Variants in NYAP2 observed in about 807,000 individuals in gnomAD.
The protein encoded by NYAP2 is neuronal tyrosine-phosphorylated phosphoinositide-3-kinase adaptor 2.
A neutral mutation model predicts 50.4 loss-of-function variants in NYAP2; 23 were observed. That is an observed-to-expected ratio of 0.46 (90% CI 0.33 to 0.65). The LOEUF (loss-of-function observed/expected upper bound fraction) is 0.65. Among genes scored for constraint, NYAP2 ranks in the 30% least tolerant of loss-of-function variants. The pLI, the probability that NYAP2 is intolerant of heterozygous loss-of-function variation, is 0.02. For synonymous variants in NYAP2, 394 were observed against 365.2 expected (o/e 1.08, Z -0.90); for missense variants, 885 against 861.0 (o/e 1.03, Z -0.35).
chr2:225,405,750 A>C (rs1694931246), intron 2 of NYAP2, among the ~76,000 whole-genome samples: 1 of 152,076 alleles, frequency 6.6e-6, no homozygotes, highest in African/African-American at 2.4e-5. Flanking sequence ...TTCGTGGTCC[A>C]TATGTCCCAG....
At position 225,466,284 on chromosome 2, in the gene NYAP2, T is replaced by C. The variant is rs189267232; in HGVS notation, c.222-47087T>C. ...TATATGGAATATAAGGGACTTTGTT[T>C]GAATTCTTTGCTTTTGTTCATTTTC... On this transcript the variant is annotated intron_variant, in intron 3 of 6. Coordinates refer to ENST00000636099, the Ensembl canonical transcript of NYAP2. Among the ~76,000 whole-genome samples, 363 of 152,360 alleles carry C rather than the reference T, an allele frequency of 2.4e-3. 2 individuals carry two copies. Among genetic ancestry groups the C allele is most frequent in the African/African-American group, 8.2e-3 (343 of 41,590 alleles).
At chr2:225,670,387 A>G in the NYAP2 span, among the ~76,000 whole-genome samples, 2 of 152,106 alleles carry the variant, frequency 1.3e-5, no homozygotes, top group South Asian at 2.1e-4. Flanking sequence ...GTAAATTTCC[A>G]TATTGGTGAG....
At chr2:225,417,083 TC>T (rs1358237971) in intron 3 of NYAP2, among the ~76,000 whole-genome samples, 14 of 152,320 alleles carry the variant, frequency 9.2e-5, no homozygotes, top group Admixed American at 2.6e-4. Context: ...TTGGAGGATA[TC>T]TTTAACTAAA....
chr2:225,508,995 C>T (rs759375763), intron 3 of NYAP2, among the ~76,000 whole-genome samples: 22 of 152,182 alleles, frequency 1.4e-4, no homozygotes, highest in Non-Finnish European at 3.1e-4. Context: ...TCTTCTGGCT[C>T]TTCTTGAGGG....
chr2:225,669,434 T>C, the NYAP2 span, among the ~76,000 whole-genome samples: 1 of 152,118 alleles, frequency 6.6e-6, no homozygotes, highest in African/African-American at 2.4e-5. Flanking sequence ...GCAAAGCTAA[T>C]CTCTATATAT....
chr2:225,508,858 A>G (rs1405060412), intron 3 of NYAP2, among the ~76,000 whole-genome samples: 1 of 152,208 alleles, frequency 6.6e-6, no homozygotes, highest in Non-Finnish European at 1.5e-5. Context: ...GCTGACTGCT[A>G]TCCTCAGAGG....
chr2:225,419,445 T>C (rs1197265471), intron 3 of NYAP2, among the ~76,000 whole-genome samples: 1 of 152,192 alleles, frequency 6.6e-6, no homozygotes, highest in African/African-American at 2.4e-5. Context: ...AGTAATGCTG[T>C]GGATGTGGGT....
At chr2:225,420,717 TC>T (rs1695200853) in intron 3 of NYAP2, among the ~76,000 whole-genome samples, 1 of 151,454 alleles carries the variant, frequency 6.6e-6, no homozygotes, top group Non-Finnish European at 1.5e-5. Context: ...CTCAAGTGAT[TC>T]TCCCACCTCA....
intron 6 of NYAP2, among the ~76,000 whole-genome samples, chr2:225,629,425 A>C (rs1325128414): frequency 6.6e-6 from 1 of 152,212 alleles, no homozygotes; most frequent in Non-Finnish European, 1.5e-5. Flanking sequence ...TTTACTAGCT[A>C]TCTGGGCATT....
upstream of NYAP2, among the ~76,000 whole-genome samples, chr2:225,398,420 G>A (rs1694805545): frequency 6.6e-6 from 1 of 151,972 alleles, no homozygotes; most frequent in African/African-American, 2.4e-5. Flanking sequence ...TTTCTAAAAT[G>A]TCTGTCAATA....
At chr2:225,664,673 G>A in the NYAP2 span, among the ~76,000 whole-genome samples, 1 of 151,988 alleles carries the variant, frequency 6.6e-6, no homozygotes, top group African/African-American at 2.4e-5. Context: ...TCGAGACCAG[G>A]ATCATCCTGG....
chr2:225,549,853 C>T (rs532715454), intron 4 of NYAP2, among the ~76,000 whole-genome samples: 40 of 151,990 alleles, frequency 2.6e-4, no homozygotes, highest in African/African-American at 7.7e-4. Context: ...GGTATGGTGG[C>T]GTGCACCTGT....
intron 3 of NYAP2, among the ~76,000 whole-genome samples, chr2:225,481,293 A>T (rs780826872): frequency 1.7e-4 from 26 of 152,104 alleles, no homozygotes; most frequent in Non-Finnish European, 2.9e-4. Flanking sequence ...TCTTCACTAA[A>T]TGGTCAAATT....
At chr2:225,579,247 C>T (rs761119098) in intron 4 of NYAP2, among the ~76,000 whole-genome samples, 4 of 152,144 alleles carry the variant, frequency 2.6e-5, no homozygotes, top group Admixed American at 6.5e-5. Flanking sequence ...AGGGCTTCAA[C>T]AGATGAATTT....
chr2:225,660,108 C>A, the NYAP2 span, among the ~76,000 whole-genome samples: 2 of 152,200 alleles, frequency 1.3e-5, no homozygotes, highest in South Asian at 4.2e-4. Context: ...ATTGATTTCC[C>A]CCACCTTGTC....
intron 4 of NYAP2, among the ~76,000 whole-genome samples, chr2:225,551,647 C>T (rs928399796): frequency 2.6e-5 from 4 of 152,014 alleles, no homozygotes; most frequent in Non-Finnish European, 5.9e-5. Flanking sequence ...GAGATCAACC[C>T]ATCAAAATAA....
At chr2:225,682,436 G>T in the NYAP2 span, among the ~76,000 whole-genome samples, 2 of 152,234 alleles carry the variant, frequency 1.3e-5, no homozygotes, top group African/African-American at 4.8e-5. Context: ...AACTCCAATT[G>T]AACACTTCCA....
At chr2:225,465,358 C>T (rs910647060) in intron 3 of NYAP2, among the ~76,000 whole-genome samples, 2 of 152,074 alleles carry the variant, frequency 1.3e-5, no homozygotes, top group Non-Finnish European at 2.9e-5. Flanking sequence ...AGTTACACCT[C>T]CTGGGATAGA....
At chr2:225,559,373 T>A (rs1691832206) in intron 4 of NYAP2, among the ~76,000 whole-genome samples, 1 of 151,578 alleles carries the variant, frequency 6.6e-6, no homozygotes, top group African/African-American at 2.4e-5. Flanking sequence ...ATGTGCTATG[T>A]CTGGGGATTA....
Sources: gnomAD v4.1 joint callset for allele counts (sites outside exome capture counted in the v4.1 genomes callset) on GRCh38, gnomAD v4.1.1 for gene constraint, MANE v1.5 for transcripts, NCBI Gene and HGNC (gene_info 2026-07-23, HGNC 2026-07-21) for gene names.